SP1: variants seen among roughly 807,000 people sequenced by gnomAD.
SP1 encodes the protein transcription factor Sp1.
In SP1, 6 loss-of-function variants were observed where a neutral mutation model predicts 66.3. The ratio of observed to expected loss-of-function variants is 0.09; its 90% confidence interval spans 0.05 to 0.18. The LOEUF is 0.18. Ranked by LOEUF, SP1 falls within the 10% of genes least tolerant of loss-of-function variation. The probability of loss-of-function intolerance (pLI) is 1.00; values close to 1 mark genes in which losing one functional copy is unlikely to be tolerated. For synonymous variants in SP1, 417 were observed against 360.8 expected (o/e 1.16, Z -1.77); for missense variants, 848 against 964.5 (o/e 0.88, Z 1.60).
chr12:53,390,574 T>A (rs1173268479), intron 3 of SP1, among the ~76,000 whole-genome samples: 1 of 151,972 alleles, frequency 6.6e-6, no homozygotes, highest in Non-Finnish European at 1.5e-5. Flanking sequence ...TCCCAGCTAG[T>A]CAGGAGGATG....
intron 3 of SP1, among the ~76,000 whole-genome samples, chr12:53,392,604 G>A (rs1327690894): frequency 7.9e-5 from 12 of 151,050 alleles, no homozygotes; most frequent in African/African-American, 2.2e-4. Context: ...TGATCCGCCC[G>A]CCTCGGCCTC....
At chr12:53,407,049 C>T (rs1411728684) in intron 4 of SP1, among the ~76,000 whole-genome samples, 1 of 151,962 alleles carries the variant, frequency 6.6e-6, no homozygotes. Context: ...TGGTCTCGAT[C>T]TCCTGACCTC....
At chr12:53,396,308 G>A (rs576123837) in intron 3 of SP1, among the ~76,000 whole-genome samples, 57 of 148,448 alleles carry the variant, frequency 3.8e-4, no homozygotes, top group African/African-American at 1.2e-3. Context: ...GGTGGCTCAC[G>A]TCTGTAATCC....
rs967568192 is a variant in SP1 at position 53,412,697 on chromosome 12, C to T, written c.*1457C>T. On this transcript the variant is annotated 3_prime_UTR_variant, in exon 6 of 6. Transcript: ENST00000327443. ...CAGAACAAAAAGAAATCTTGTCTTACCACAGTGTTTTATAGGAGAGATTGG... is the reference window on the plus strand; with the variant it reads ...CAGAACAAAAAGAAATCTTGTCTTATCACAGTGTTTTATAGGAGAGATTGG... 7.2e-5 allele frequency: 11 copies of T among 152,576 alleles called. No homozygotes were observed. Among genetic ancestry groups the T allele is most frequent in the Admixed American group, 6.6e-4 (10 of 15,258 alleles). The allele number at this position is 152,576 out of a possible 1,614,324, so 9.5% of individuals were successfully genotyped here.
intron 3 of SP1, among the ~76,000 whole-genome samples, chr12:53,402,970 GA>G (rs1242818072): frequency 3.6e-4 from 52 of 145,400 alleles, no homozygotes; most frequent in Admixed American, 3.4e-4. Flanking sequence ...TTCCATCTCA[GA>G]AAAAAAAAAA....
rs186596319 is a variant in SP1 at position 53,411,978 on chromosome 12, A to T, written c.*738A>T. 3 of 152,120 alleles carry T rather than the reference A, an allele frequency of 2.0e-5. No homozygotes were observed. In the East Asian group the frequency reaches 5.8e-4, roughly 29 times the overall value. The allele number at this position is 152,120 out of a possible 1,614,324, so 9.4% of individuals were successfully genotyped here. A position where few individuals can be genotyped will look rare whatever the true frequency, so the allele number is the denominator to read the frequency against. ...AACTGTTGCCGTCTCATCTTCTCTC[A>T]TCTGATCACTTCATGTTTTGTTTTT... On this transcript the variant is annotated 3_prime_UTR_variant, in exon 6 of 6. Coordinates refer to ENST00000327443, the MANE Select transcript of SP1 (RefSeq NM_138473.3).
In SP1 at chr12:53,406,745, TGAAG is replaced by T; in HGVS notation, c.1842_1844+1del. 2 of 1,612,650 alleles carry T rather than the reference TGAAG, an allele frequency of 1.2e-6. No individual in the cohort carries two copies. Among genetic ancestry groups the T allele is most frequent in the Non-Finnish European group, 1.7e-6 (2 of 1,179,504 alleles). On this transcript the variant is annotated frameshift_variant, in exon 4 of 6. Transcript: ENST00000327443. LOFTEE classifies it high-confidence loss of function. Reference sequence around the variant, plus strand: ...GCACCTGCCCCTACTGTAAAGACAGTGAAGGAAGGTGAGTTGACCCAGCCAGTTT... The same window carrying T: ...GCACCTGCCCCTACTGTAAAGACAGTGAAGGTGAGTTGACCCAGCCAGTTT...
At chr12:53,380,489 A>G (rs1037890025) in intron 1 of SP1, 191 bp downstream of exon 1, 2 of 434,572 alleles carry the variant, frequency 4.6e-6, no homozygotes, top group Non-Finnish European at 7.0e-6. Context: ...GAGGAGGGGG[A>G]TGGGCCGCCC....
At position 53,406,069 on chromosome 12, in the gene SP1, T is replaced by TC. The variant is rs200316126; in HGVS notation, c.1676-516_1676-515insC. On this transcript the variant is annotated intron_variant, in intron 3 of 5. Transcript: ENST00000327443. ...TTGGCTCTTGGTATTTTCTTTCTTTTTTTTTTTTTTTTTTTTTTTTGAGAC... is the reference window on the plus strand; with the variant it reads ...TTGGCTCTTGGTATTTTCTTTCTTTTCTTTTTTTTTTTTTTTTTTTTGAGAC... Among the ~76,000 whole-genome samples the TC allele has an allele frequency of 2.7e-3, 363 of 135,108 alleles. 7 individuals are homozygous for TC. The highest frequency in any genetic ancestry group is 9.2e-3 in the African/African-American group (335 of 36,568). The allele number at this position is 135,108 out of a possible 152,430, so 88.6% of individuals were successfully genotyped here.
chr12:53,396,949 T>C (rs1024453285), intron 3 of SP1, among the ~76,000 whole-genome samples: 2 of 152,116 alleles, frequency 1.3e-5, no homozygotes, highest in African/African-American at 4.8e-5. Context: ...TCTTGAGAGT[T>C]GTTCTGTTTT....
At chr12:53,406,847 C>G in intron 4 of SP1, 94 bp downstream of exon 4, 1 of 1,027,324 alleles carries the variant, frequency 9.7e-7, no homozygotes, top group South Asian at 1.6e-5. Context: ...TTTTTTGAGA[C>G]CGAGTCTGAC....
chr12:53,381,909 C>G (rs1938108098), intron 2 of SP1, 96 bp downstream of exon 2: 3 of 1,397,958 alleles, frequency 2.1e-6, no homozygotes, highest in African/African-American at 2.9e-5. Context: ...TAGGGAGAGA[C>G]TAAACCATTT....
chr12:53,380,361 CG>C, intron 1 of SP1, 63 bp downstream of exon 1: 1 of 1,345,416 alleles, frequency 7.4e-7, no homozygotes, highest in Non-Finnish European at 9.8e-7. Context: ...GCGCGAGGGC[CG>C]ACCGGGCGAT....
chr12:53,405,791 A>C (rs1938720580), intron 3 of SP1, among the ~76,000 whole-genome samples: 1 of 152,054 alleles, frequency 6.6e-6, no homozygotes. Flanking sequence ...TTAGGGTTTC[A>C]ACTTTTGGTA....
chr12:53,386,726 T>C (rs906679552), intron 3 of SP1, among the ~76,000 whole-genome samples: 3 of 151,862 alleles, frequency 2.0e-5, no homozygotes, highest in Admixed American at 6.6e-5. Context: ...TGACCTCAAG[T>C]GATCTGCCTG....
At position 53,382,879 on chromosome 12, in the gene SP1, TATC is replaced by T. The variant is rs756851163; in HGVS notation, c.937_939del (p.Ser313del). The T allele has an allele frequency of 1.2e-5, 19 of 1,614,050 alleles. No individual in the cohort carries two copies. The South Asian group carries it at 2.1e-4, about 18-fold the overall frequency. On this transcript the variant is annotated inframe_deletion, in exon 3 of 6. Coordinates refer to ENST00000327443, the MANE Select transcript of SP1 (RefSeq NM_138473.3). ...ACTACCATCAGTTCTGCCAGCTTGG[TATC>T]ATCACAAGCCAGTTCCAGCTCCTTT...
intron 3 of SP1, among the ~76,000 whole-genome samples, chr12:53,391,815 T>C (rs1191294308): frequency 6.7e-6 from 1 of 150,002 alleles, no homozygotes; most frequent in Non-Finnish European, 1.5e-5. Context: ...GAATACTCAA[T>C]GTTTAGCTCC....
chr12:53,409,620 T>C (rs1938833076), intron 5 of SP1, 59 bp downstream of exon 5: 3 of 1,344,256 alleles, frequency 2.2e-6, no homozygotes, highest in Non-Finnish European at 2.1e-6. Context: ...AAACACAAAA[T>C]ATACCTACAA....
chr12:53,400,428 GGTT>G (rs551769542), intron 3 of SP1, among the ~76,000 whole-genome samples: 1 of 152,032 alleles, frequency 6.6e-6, no homozygotes, highest in Admixed American at 6.6e-5. Flanking sequence ...TGGACATTTG[GGTT>G]GTTTCTGTGT....
Sources: gnomAD v4.1 joint callset for allele counts (sites outside exome capture counted in the v4.1 genomes callset) on GRCh38, gnomAD v4.1.1 for gene constraint, MANE v1.5 for transcripts, NCBI Gene and HGNC (gene_info 2026-07-23, HGNC 2026-07-21) for gene names.